Variants in OR7C1 observed in about 807,000 individuals in gnomAD.
OR7C1 encodes the protein olfactory receptor family 7 subfamily C member 1, also known as olfactory receptor 7C1.
For synonymous variants in OR7C1, 152 were observed against 160.7 expected, an observed-to-expected ratio of 0.95 and a Z score of 0.41; for missense variants, 324 against 383.3, an observed-to-expected ratio of 0.85 and a Z score of 1.29.
intron 2 of OR7C1, among the ~76,000 whole-genome samples, chr19:14,801,957 A>C (rs1038392064): frequency 2.0e-5 from 3 of 152,146 alleles, no homozygotes; most frequent in African/African-American, 7.2e-5. Flanking sequence ...AACCTTGGGG[A>C]TTATAATTCG....
rs150206823 is a variant in OR7C1, at chr19:14,816,162, G to A, written c.-622-6169C>T. 1.2e-3 allele frequency among the ~76,000 whole-genome samples: 190 copies of A among 152,158 alleles called. 2 individuals carry two copies. In the East Asian group the frequency reaches 0.02, roughly 16 times the overall value. Reference sequence around the variant, plus strand: ...TTAGAGGAAACTTTCAGTGAAAGGAGCGTACCCCATAAGTGTATATATCTA... The same window carrying A: ...TTAGAGGAAACTTTCAGTGAAAGGAACGTACCCCATAAGTGTATATATCTA... On this transcript the variant is annotated intron_variant, in intron 1 of 4. Transcript: ENST00000641666.
chr19:14,805,035 A>ACACACACACATCT (rs1256439898), intron 2 of OR7C1, among the ~76,000 whole-genome samples: 1 of 151,840 alleles, frequency 6.6e-6, no homozygotes, highest in East Asian at 1.9e-4. Flanking sequence ...TCACACCCAG[A>ACACACACACATCT]AGCTAGTGGA....
At chr19:14,802,722 G>A (rs1251260156) in intron 2 of OR7C1, among the ~76,000 whole-genome samples, 1 of 152,186 alleles carries the variant, frequency 6.6e-6, no homozygotes, top group African/African-American at 2.4e-5. Flanking sequence ...TTGGAAGAAA[G>A]GCTGTGGAGT....
At chr19:14,798,542 T>C (rs2147641330) in exon 5 of OR7C1, 1 of 152,128 alleles carries the variant, frequency 6.6e-6, no homozygotes, top group East Asian at 1.9e-4. Flanking sequence ...GTTTAATAGG[T>C]GAGAGAAAGA....
At chr19:14,822,699 T>G (rs951108089) in intron 1 of OR7C1, among the ~76,000 whole-genome samples, 1 of 152,028 alleles carries the variant, frequency 6.6e-6, no homozygotes, top group Non-Finnish European at 1.5e-5. Flanking sequence ...TTTTTTATAA[T>G]AGCCGTCCTA....
intron 1 of OR7C1, chr19:14,827,201 A>G (rs2240560): frequency 1.5e-6 from 2 of 1,370,582 alleles, no homozygotes; most frequent in Admixed American, 2.5e-5. Context: ...TATAATAAGT[A>G]TTAATAGAAG....
chr19:14,827,236 G>A (rs1289152594), intron 1 of OR7C1: 3 of 1,488,880 alleles, frequency 2.0e-6, no homozygotes, highest in Admixed American at 4.8e-5. Flanking sequence ...TCCACTATCT[G>A]ATTGAAGAAT....
At chr19:14,822,373 CTTTTTTTTTTTT>C (rs1162241411) in intron 1 of OR7C1, among the ~76,000 whole-genome samples, 56 of 67,718 alleles carry the variant, frequency 8.3e-4, no homozygotes, top group African/African-American at 2.2e-3. Context: ...TATCTCCTGT[CTTTTTTTTTTTT>C]TTTTTTTTTT....
At chr19:14,801,428 A>T (rs1052692279) in intron 2 of OR7C1, among the ~76,000 whole-genome samples, 2 of 152,182 alleles carry the variant, frequency 1.3e-5, no homozygotes, top group East Asian at 3.8e-4. Context: ...CTGTTCTGTC[A>T]CTGGAAAGCC....
At chr19:14,814,625 A>G (rs759336116) in intron 1 of OR7C1, among the ~76,000 whole-genome samples, 1 of 152,060 alleles carries the variant, frequency 6.6e-6, no homozygotes, top group Non-Finnish European at 1.5e-5. Context: ...GGGTTTCACC[A>G]TGCTGGCCAG....
intron 2 of OR7C1, among the ~76,000 whole-genome samples, chr19:14,802,608 T>G (rs531820268): frequency 6.6e-6 from 1 of 152,186 alleles, no homozygotes; most frequent in Admixed American, 6.5e-5. Context: ...TTGAAACCTC[T>G]CTCAAAGGAG....
rs937779041 is a variant in OR7C1 at position 14,827,032 on chromosome 19, A to C, written c.-623+8042T>G. 14 of 328,912 alleles carry C rather than the reference A, an allele frequency of 4.3e-5. No individual in the cohort carries two copies. The East Asian group carries it at 6.6e-4, about 16-fold the overall frequency. 20.4% of individuals were successfully genotyped at this position (328,912 alleles called of 1,614,324 possible). On this transcript the variant is annotated intron_variant, in intron 1 of 4. Transcript: ENST00000641666. ...CTGTATGAGACAAATGGAAATCTCC[A>C]AAGTGTTTCTGATCCAAAGTCGGAA...
chr19:14,827,487 T>C lies in OR7C1; in HGVS notation c.-623+7587A>G, dbSNP rs768381249. 6.2e-6 allele frequency: 10 copies of C among 1,613,992 alleles called. No homozygotes were observed. The Admixed American group carries it at 1.2e-4, about 19-fold the overall frequency. The stretch of plus-strand genomic sequence containing the variant: ...AAGGTACACCCCTAGGATTGCACCA[T>C]AAAATAAGGAGACAACTGAGAGGTG... On this transcript the variant is annotated intron_variant, in intron 1 of 4. Transcript: ENST00000641666.
intron 1 of OR7C1, among the ~76,000 whole-genome samples, chr19:14,818,688 T>C (rs2044727760): frequency 6.6e-6 from 1 of 152,156 alleles, no homozygotes; most frequent in South Asian, 2.1e-4. Context: ...TTCACCAACG[T>C]TGTTGTTTGC....
chr19:14,825,884 A>C (rs776826033), intron 1 of OR7C1: 26 of 152,440 alleles, frequency 1.7e-4, no homozygotes, highest in Non-Finnish European at 3.5e-4. Context: ...TTATTCAGCA[A>C]TAGCTTACTG....
exon 5 of OR7C1, chr19:14,800,016 C>A: frequency 6.2e-7 from 1 of 1,613,966 alleles, no homozygotes; most frequent in South Asian, 1.1e-5. Flanking sequence ...AGCAGGTTCC[C>A]GGTGAAAGTG....
At chr19:14,803,326 AG>A in intron 2 of OR7C1, among the ~76,000 whole-genome samples, 1 of 150,634 alleles carries the variant, frequency 6.6e-6, no homozygotes, top group Non-Finnish European at 1.5e-5. Flanking sequence ...AAAAAAAAAA[AG>A]AAAAGATTGG....
chr19:14,827,693 C>T (rs1380335219), intron 1 of OR7C1: 1 of 1,614,128 alleles, frequency 6.2e-7, no homozygotes, highest in Non-Finnish European at 8.5e-7. Flanking sequence ...GTTGGATGAC[C>T]TGATTAAGTT....
intron 1 of OR7C1, among the ~76,000 whole-genome samples, chr19:14,813,231 A>G (rs1353243391): frequency 6.6e-6 from 1 of 151,886 alleles, no homozygotes; most frequent in African/African-American, 2.4e-5. Flanking sequence ...ATAATTATAC[A>G]CTGTATTAGT....
Sources: allele counts gnomAD v4.1 joint callset (sites outside exome capture counted in the v4.1 genomes callset), GRCh38; gene constraint gnomAD v4.1.1; transcripts MANE v1.5; gene names NCBI Gene and HGNC (gene_info 2026-07-23, HGNC 2026-07-21).